GBP2: variants seen among roughly 807,000 people sequenced by gnomAD.
The protein encoded by GBP2 is guanylate-binding protein 2.
A neutral mutation model predicts 60.8 loss-of-function variants in GBP2; 54 were observed. The observed-to-expected ratio is 0.89, with a 90% confidence interval of 0.71 to 1.11. GBP2 has a LOEUF of 1.11. Ranked by LOEUF, GBP2 falls within the 50% of genes most tolerant of loss-of-function variation. The pLI is 0.00. For synonymous variants in GBP2, 243 were observed against 256.5 expected, an observed-to-expected ratio of 0.95 and a Z score of 0.50; for missense variants, 665 against 703.3, an observed-to-expected ratio of 0.95 and a Z score of 0.62.
intron 6 of GBP2, among the ~76,000 whole-genome samples, chr1:89,116,180 T>C (rs1025418939): frequency 1.3e-5 from 2 of 151,976 alleles, no homozygotes; most frequent in Admixed American, 1.3e-4. Context: ...GCCTGATTAA[T>C]TTTTGTGTTT....
Position 89,114,009 on chromosome 1 carries a change from A to G in GBP2, c.1149+7T>C, listed in dbSNP as rs756772774. ...CTGCCTCTCATGACGTAGAACACCA[A>G]ATATACCCCTAATTTCCTCTGGAAC... On this transcript the variant is annotated splice_region_variant and intron_variant, in intron 7 of 10. Coordinates refer to ENST00000370466, the MANE Select transcript of GBP2 (RefSeq NM_004120.5). 6.2e-7 allele frequency: 1 copy of G among 1,613,990 alleles called. No individual in the cohort carries two copies. The highest frequency in any genetic ancestry group is 1.3e-5 in the African/African-American group (1 of 74,920).
chr1:89,114,030 G>A lies in GBP2; in HGVS notation c.1135C>T (p.Gln379Ter). The A allele has an allele frequency of 6.2e-7, 1 of 1,614,104 alleles. No individual in the cohort carries two copies. Among genetic ancestry groups the A allele is most frequent in the Non-Finnish European group, 8.5e-7 (1 of 1,180,016 alleles). ...NSFKDVDQMFQRKLGAQLEAR... is the reference protein window; with the variant it reads ...NSFKDVDQMF ...ACCAAATATACCCCTAATTTCCTCT[G>A]GAACATTTGGTCCACATCCTTGAAA... Residue 379 changes from glutamine to a stop codon, truncating the protein, a stop_gained, in exon 7 of 11, where the codon CAG becomes TAG. Coordinates refer to ENST00000370466, the MANE Select transcript of GBP2 (RefSeq NM_004120.5). LOFTEE classifies it high-confidence loss of function.
intron 4 of GBP2, 53 bp downstream of exon 4, chr1:89,120,126 T>C (rs1681369273): frequency 7.6e-7 from 1 of 1,316,704 alleles, no homozygotes. Flanking sequence ...GGTGAAAAAA[T>C]GAAGCTGTTA....
chr1:89,116,427 T>A (rs911769170), intron 6 of GBP2, among the ~76,000 whole-genome samples: 2 of 152,092 alleles, frequency 1.3e-5, no homozygotes, highest in Non-Finnish European at 2.9e-5. Flanking sequence ...AGCAGCCTAT[T>A]ATTTTTATGC....
At chr1:89,116,389 C>T (rs1226662197) in intron 6 of GBP2, among the ~76,000 whole-genome samples, 1 of 152,144 alleles carries the variant, frequency 6.6e-6, no homozygotes, top group Admixed American at 6.5e-5. Flanking sequence ...TAAATTATAT[C>T]TCCCTGCCTC....
At chr1:89,125,520 C>T (rs546143749) in intron 1 of GBP2, among the ~76,000 whole-genome samples, 1 of 152,304 alleles carries the variant, frequency 6.6e-6, no homozygotes, top group East Asian at 1.9e-4. Flanking sequence ...CTTTGCAGAT[C>T]CCAAGTTGCC....
rs758001210 is a variant in GBP2 at position 89,117,718 on chromosome 1, A to C, written c.484T>G (p.Ser162Ala). 4 of 1,613,962 alleles carry C rather than the reference A, an allele frequency of 2.5e-6. No homozygotes were observed. In the African/African-American group the frequency reaches 5.3e-5, roughly 22 times the overall value. The change falls in exon 5 of 11, where the codon TCT (serine) becomes GCT (alanine). Residue 162 changes from serine (S) to alanine (A), a missense_variant. Transcript: ENST00000370466. ...ACAAAGTCAGCTGAGTCGTCTACAG[A>C]ATTGTTACCAGGTGAGGAGTTTGCC... is the stretch of plus-strand genomic sequence containing the variant. ...IKANSSPGNN[S>A]VDDSADFVSF...
chr1:89,109,553 G>A, intron 10 of GBP2, 124 bp downstream of exon 10: 1 of 700,596 alleles, frequency 1.4e-6, no homozygotes. Flanking sequence ...AATAGTTAGG[G>A]AAGGAAAAAT....
chr1:89,118,478 A>C (rs895782261), intron 4 of GBP2: 1 of 152,188 alleles, frequency 6.6e-6, no homozygotes, highest in African/African-American at 2.4e-5. Context: ...CAAAGTAAGA[A>C]GTTTGAAATT....
Position 89,120,159 on chromosome 1 carries a change from T to A in GBP2, c.428+20A>T. 1 of 1,577,364 alleles carries A rather than the reference T, an allele frequency of 6.3e-7. No individual in the cohort carries two copies. Among genetic ancestry groups the A allele is most frequent in the Non-Finnish European group, 8.7e-7 (1 of 1,146,536 alleles). Reference sequence around the variant, plus strand: ...TTATTTTCTAGGTTTACTGCTGTTCTGGACCACAAAAAAGGATACTGAAGT... The same window carrying A: ...TTATTTTCTAGGTTTACTGCTGTTCAGGACCACAAAAAAGGATACTGAAGT... On this transcript the variant is annotated intron_variant, in intron 4 of 10. Coordinates refer to ENST00000370466, the MANE Select transcript of GBP2 (RefSeq NM_004120.5).
intron 7 of GBP2, 45 bp downstream of exon 7, chr1:89,113,971 G>A: frequency 1.2e-6 from 2 of 1,601,482 alleles, no homozygotes; most frequent in Admixed American, 1.7e-5. Context: ...TCCCATGAAG[G>A]GCCCATATTT....
intron 4 of GBP2, chr1:89,119,641 A>T: frequency 6.6e-6 from 1 of 152,518 alleles, no homozygotes; most frequent in Non-Finnish European, 1.5e-5. Flanking sequence ...GAGGGCATAT[A>T]TATTAAAGAA....
chr1:89,121,574 T>A (rs2100620064), intron 2 of GBP2, among the ~76,000 whole-genome samples: 1 of 152,296 alleles, frequency 6.6e-6, no homozygotes, highest in African/African-American at 2.4e-5. Context: ...AAAGGCACAT[T>A]TATACCCTTA....
At chr1:89,115,459 A>G (rs1037931536) in intron 6 of GBP2, among the ~76,000 whole-genome samples, 54 of 152,174 alleles carry the variant, frequency 3.5e-4, no homozygotes, top group Admixed American at 9.2e-4. Flanking sequence ...ATTCTTCAAG[A>G]TCTTCTCTAG....
chr1:89,121,092 G>A (rs746242636), intron 3 of GBP2, 51 bp downstream of exon 3: 16 of 1,494,098 alleles, frequency 1.1e-5, no homozygotes, highest in Non-Finnish European at 1.4e-5. Context: ...CCTGGTTTAT[G>A]TAGATTTTAA....
intron 3 of GBP2, among the ~76,000 whole-genome samples, chr1:89,120,806 C>T (rs1002277941): frequency 5.3e-5 from 8 of 152,172 alleles, no homozygotes; most frequent in Admixed American, 1.3e-4. Flanking sequence ...TGGGATCCCA[C>T]TGTAAAAAGT....
At position 89,112,666 on chromosome 1, in the gene GBP2, G is replaced by A. The variant is rs1160898521; in HGVS notation, c.1168C>T (p.Arg390Ter). Reference protein sequence around the residue: ...RKLGAQLEARRDDFCKQNSKA... With the variant: ...RKLGAQLEAR Reference sequence around the variant, plus strand: ...GAATTCTGCTTACAAAAGTCATCTCGCCTTGCTTCCAACTGGGCCTGTGAA... The same window carrying A: ...GAATTCTGCTTACAAAAGTCATCTCACCTTGCTTCCAACTGGGCCTGTGAA... The change falls in exon 8 of 11, where the codon CGA becomes TGA. Residue 390 changes from arginine (R) to a stop codon, truncating the protein, a stop_gained. Transcript: ENST00000370466. LOFTEE classifies it high-confidence loss of function. The A allele has an allele frequency of 3.7e-6, 6 of 1,613,986 alleles. 1 individual carries two copies. The highest frequency in any genetic ancestry group is 2.2e-5 in the South Asian group (2 of 91,082).
At chr1:89,115,621 A>T (rs1227855368) in intron 6 of GBP2, among the ~76,000 whole-genome samples, 1 of 151,952 alleles carries the variant, frequency 6.6e-6, no homozygotes, top group Non-Finnish European at 1.5e-5. Context: ...AAAAATTGAG[A>T]TGGAATTCTG....
intron 1 of GBP2, among the ~76,000 whole-genome samples, chr1:89,125,464 C>T (rs1039956867): frequency 3.9e-5 from 6 of 152,168 alleles, no homozygotes; most frequent in African/African-American, 1.4e-4. Context: ...AAAGTAGCTG[C>T]ACAAAGACTG....
Sources: gnomAD v4.1 joint callset for allele counts (sites outside exome capture counted in the v4.1 genomes callset) on GRCh38, gnomAD v4.1.1 for gene constraint, MANE v1.5 for transcripts, NCBI Gene and HGNC (gene_info 2026-07-23, HGNC 2026-07-21) for gene names.